POLR2F: variants seen among roughly 807,000 people sequenced by gnomAD.
The protein encoded by POLR2F is RNA polymerase II, I and III subunit F.
A neutral mutation model predicts 22.7 loss-of-function variants in POLR2F; 12 were observed. The ratio of observed to expected loss-of-function variants is 0.53; its 90% CI spans 0.34 to 0.86. The LOEUF (loss-of-function observed/expected upper bound fraction) is 0.86. Ranked by LOEUF, POLR2F falls within the 40% of genes least tolerant of loss-of-function variation. The probability of loss-of-function intolerance (pLI) is 0.02; values close to 1 mark genes in which losing one functional copy is unlikely to be tolerated. For synonymous variants in POLR2F, 57 were observed against 66.0 expected (o/e 0.86, Z 0.66); for missense variants, 126 against 171.5 (o/e 0.73, Z 1.48).
chr22:37,993,364 C>T (rs189943819), intron 1 of POLR2F, among the ~76,000 whole-genome samples: 1 of 152,274 alleles, frequency 6.6e-6, no homozygotes, highest in East Asian at 1.9e-4. Flanking sequence ...CAGGGCTGGG[C>T]AGGAAGGGAG....
intron 1 of POLR2F, among the ~76,000 whole-genome samples, chr22:37,994,183 T>C (rs1478887151): frequency 6.6e-6 from 1 of 152,066 alleles, no homozygotes; most frequent in African/African-American, 2.4e-5. Context: ...CTTACTGAGA[T>C]CACAACAGGG....
chr22:38,036,259 G>T (rs2085115305), intron 5 of POLR2F, among the ~76,000 whole-genome samples: 1 of 151,974 alleles, frequency 6.6e-6, no homozygotes, highest in South Asian at 2.1e-4. Flanking sequence ...TTACAGGTGT[G>T]AGCCACCGCA....
At chr22:38,013,900 A>G (rs1398457075) in intron 1 of POLR2F, among the ~76,000 whole-genome samples, 1 of 152,122 alleles carries the variant, frequency 6.6e-6, no homozygotes, top group African/African-American at 2.4e-5. Context: ...AGGCGGGCGG[A>G]TCACCTGAGG....
intron 1 of POLR2F, among the ~76,000 whole-genome samples, chr22:38,013,296 C>G (rs1394081075): frequency 6.6e-6 from 1 of 152,204 alleles, no homozygotes; most frequent in African/African-American, 2.4e-5. Context: ...CAGGCACATG[C>G]CACCATGCCT....
rs191481261 is a variant in POLR2F, at chr22:37,993,817, G to T, written c.120+7505G>T. Among the ~76,000 whole-genome samples, 189 of 152,228 alleles carry T rather than the reference G, an allele frequency of 1.2e-3. 3 individuals are homozygous for T. Among genetic ancestry groups the T allele is most frequent in the African/African-American group, 4.4e-3 (182 of 41,534 alleles). ...ATCCTGGCTAACATGATGAAACCCC[G>T]TCTCTACTAAAAATACAAAAAATTA... On this transcript the variant is annotated intron_variant, in intron 1 of 2. Transcript: ENST00000333418.
downstream of POLR2F, chr22:38,041,431 T>A (rs1365778709): frequency 2.9e-6 from 1 of 350,210 alleles, no homozygotes; most frequent in Admixed American, 4.2e-5. Flanking sequence ...GAGGGCGGAA[T>A]GAGCTCATGG....
chr22:37,972,162 T>C, downstream of POLR2F: 3 of 430,666 alleles, frequency 7.0e-6, no homozygotes, highest in South Asian at 3.2e-5. Flanking sequence ...GGGAAGGGGG[T>C]GGGGAAAGAG....
At chr22:37,987,416 A>AC (rs1932615165) in intron 1 of POLR2F, 1 of 392,166 alleles carries the variant, frequency 2.5e-6, no homozygotes, top group Non-Finnish European at 5.2e-6. Flanking sequence ...GTGACCCTTC[A>AC]CCCCCCAGCT....
chr22:38,036,066 C>T (rs1337122506), intron 5 of POLR2F, among the ~76,000 whole-genome samples: 1 of 151,300 alleles, frequency 6.6e-6, no homozygotes, highest in Non-Finnish European at 1.5e-5. Context: ...ACCTCCGCCT[C>T]CCGGGTTCAA....
Position 38,014,585 on chromosome 22 carries a change from C to T in POLR2F, c.121-11284C>T, listed in dbSNP as rs577338502. On this transcript the variant is annotated intron_variant, in intron 1 of 2. Transcript: ENST00000333418. ...TCGGCTCACTGTAACCACTGCCTCC[C>T]GGGTTCAAGTGATTCTTCTGCCTCA... 3.6e-4 allele frequency among the ~76,000 whole-genome samples: 54 copies of T among 150,932 alleles called. 1 individual carries two copies. The East Asian group carries it at 8.4e-3, about 24-fold the overall frequency.
intron 1 of POLR2F, chr22:37,988,749 A>G (rs1932657552): frequency 6.5e-6 from 1 of 154,366 alleles, no homozygotes; most frequent in Non-Finnish European, 1.5e-5. Context: ...GTACAAGCAT[A>G]AAGTTCCCTG....
At chr22:37,960,922 C>T (rs888332808) in intron 3 of POLR2F, among the ~76,000 whole-genome samples, 2 of 144,456 alleles carry the variant, frequency 1.4e-5, no homozygotes, top group African/African-American at 2.6e-5. Flanking sequence ...GATCTCGGTT[C>T]ACTGCAATAT....
At chr22:38,025,561 C>T in intron 1 of POLR2F, 1 of 1,483,148 alleles carries the variant, frequency 6.7e-7, no homozygotes, top group South Asian at 1.5e-5. Context: ...GCCCTTCTCC[C>T]ATCTCTCTCA....
chr22:37,985,989 G>A (rs117896793), upstream of POLR2F: 14 of 1,165,924 alleles, frequency 1.2e-5, no homozygotes, highest in Middle Eastern at 3.0e-4. Context: ...AGTTTTCCTC[G>A]ACGCCACCCC....
downstream of POLR2F, chr22:37,970,583 G>A (rs561961760): frequency 8.3e-6 from 1 of 119,954 alleles, no homozygotes; most frequent in South Asian, 2.8e-4. Context: ...CTCCAGCCTG[G>A]CAACAGAGCA....
chr22:37,956,933 T>C (rs561590783), intron 2 of POLR2F, 91 bp downstream of exon 2: 25 of 1,023,078 alleles, frequency 2.4e-5, no homozygotes, highest in Non-Finnish European at 3.9e-5. Flanking sequence ...CTGCCTTCTA[T>C]TTGTGGTCAA....
chr22:38,015,460 A>G (rs144312940), intron 1 of POLR2F, among the ~76,000 whole-genome samples: 1 of 152,338 alleles, frequency 6.6e-6, no homozygotes, highest in East Asian at 1.9e-4. Flanking sequence ...GGGAAGGAAG[A>G]CAGGCTGAGA....
intron 1 of POLR2F, among the ~76,000 whole-genome samples, chr22:38,009,390 C>A (rs911282779): frequency 2.6e-5 from 4 of 152,176 alleles, no homozygotes; most frequent in Admixed American, 6.5e-5. Context: ...AGAGGAGAGG[C>A]AATGGCGGGG....
At chr22:37,971,372 T>C (rs1335334031), downstream of POLR2F, 1 of 460,310 alleles carries the variant, frequency 2.2e-6, no homozygotes, top group Non-Finnish European at 4.5e-6. Flanking sequence ...GTGGAGCACT[T>C]AGTAAATGGC....
Sources: gnomAD v4.1 joint callset for allele counts (sites outside exome capture counted in the v4.1 genomes callset) on GRCh38, gnomAD v4.1.1 for gene constraint, MANE v1.5 for transcripts, NCBI Gene and HGNC (gene_info 2026-07-23, HGNC 2026-07-21) for gene names.